The following RAB44 variants were observed in gnomAD, a reference collection of about 807,000 sequenced individuals.
RAB44 encodes RAB44, member RAS oncogene family, also known as ras-related protein Rab-44.
In RAB44, 67 loss-of-function variants were observed where a neutral mutation model predicts 93.3. The observed-to-expected ratio is 0.72, with a 90% CI of 0.59 to 0.88. The LOEUF is 0.88. Ranked by LOEUF, RAB44 falls within the 40% of genes least tolerant of loss-of-function variation. RAB44 has a pLI of 0.00. For synonymous variants in RAB44, 427 were observed against 520.3 expected, an observed-to-expected ratio of 0.82 and a Z score of 2.44; for missense variants, 1,064 against 1,261.7, an observed-to-expected ratio of 0.84 and a Z score of 2.37.
intron 8 of RAB44, 41 bp from the exon 9 acceptor site, chr6:36,721,110 C>T: frequency 1.6e-6 from 2 of 1,234,116 alleles, no homozygotes; most frequent in Non-Finnish European, 2.0e-6. Flanking sequence ...ACACCACCTA[C>T]CTGCCCCTCC....
intron 1 of RAB44, among the ~76,000 whole-genome samples, chr6:36,700,697 C>T (rs895252416): frequency 3.3e-5 from 5 of 152,174 alleles, no homozygotes; most frequent in African/African-American, 1.2e-4. Flanking sequence ...CTCAGCCTCC[C>T]AAAGTACTGG....
intron 9 of RAB44, 156 bp from the exon 10 acceptor site, chr6:36,725,706 G>A (rs984187084): frequency 1.1e-5 from 7 of 618,392 alleles, no homozygotes; most frequent in Admixed American, 2.3e-5. Flanking sequence ...GTGGGTCCTC[G>A]AGTATGGATG....
At chr6:36,712,003 T>C (rs563972497) in intron 2 of RAB44, among the ~76,000 whole-genome samples, 1 of 151,612 alleles carries the variant, frequency 6.6e-6, no homozygotes, top group African/African-American at 2.4e-5. Flanking sequence ...CAGCCACAGA[T>C]CAAAAGTAAA....
At chr6:36,728,886 T>C in intron 12 of RAB44, 85 bp downstream of exon 12, 1 of 1,137,348 alleles carries the variant, frequency 8.8e-7, no homozygotes, top group Non-Finnish European at 1.3e-6. Flanking sequence ...TCACCTGACC[T>C]GGGCAGCCGA....
chr6:36,711,577 T>C (rs556876353), intron 2 of RAB44, among the ~76,000 whole-genome samples: 1 of 152,336 alleles, frequency 6.6e-6, no homozygotes, highest in Non-Finnish European at 1.5e-5. Context: ...CTAAGTCATT[T>C]AAAGCATTCA....
intron 2 of RAB44, among the ~76,000 whole-genome samples, chr6:36,710,114 G>A (rs1478700908): frequency 6.6e-6 from 1 of 152,072 alleles, no homozygotes; most frequent in African/African-American, 2.4e-5. Context: ...GTACATTCAC[G>A]ATGTTGTACC....
intron 10 of RAB44, 101 bp downstream of exon 10, chr6:36,726,044 C>T: frequency 1.1e-6 from 1 of 892,092 alleles, no homozygotes; most frequent in East Asian, 2.7e-5. Flanking sequence ...AGGCAACTGC[C>T]CCCCAAGGAT....
chr6:36,723,607 G>A (rs567966176), intron 9 of RAB44, among the ~76,000 whole-genome samples: 16 of 151,862 alleles, frequency 1.1e-4, no homozygotes, highest in South Asian at 2.1e-4. Context: ...AGGCTGAGGC[G>A]GGCGGATCAC....
chr6:36,725,594 A>C (rs1164215375), intron 9 of RAB44, among the ~76,000 whole-genome samples: 1 of 152,208 alleles, frequency 6.6e-6, no homozygotes, highest in East Asian at 1.9e-4. Flanking sequence ...TAAAATAATG[A>C]AACTTATATT....
chr6:36,724,870 T>C (rs890029940), intron 9 of RAB44, among the ~76,000 whole-genome samples: 1 of 152,172 alleles, frequency 6.6e-6, no homozygotes, highest in African/African-American at 2.4e-5. Flanking sequence ...TTTCCCTACC[T>C]AGTGTCACCT....
At chr6:36,704,170 A>G in intron 1 of RAB44, 54 bp from the exon 2 acceptor site, 1 of 1,445,738 alleles carries the variant, frequency 6.9e-7, no homozygotes, top group Non-Finnish European at 9.4e-7. Flanking sequence ...GTTTTGAGCC[A>G]TGAGAGGGCG....
At chr6:36,722,832 T>A (rs1221435906) in intron 9 of RAB44, 99 bp downstream of exon 9, 117 of 1,423,668 alleles carry the variant, frequency 8.2e-5, no homozygotes, top group Non-Finnish European at 8.5e-6. Flanking sequence ...CTGAGGAAGC[T>A]GCAGGTTCTG....
At position 36,727,879 on chromosome 6, in the gene RAB44, T is replaced by C. The variant is rs561378541; in HGVS notation, c.2796+188T>C. Among the ~76,000 whole-genome samples the C allele has an allele frequency of 4.6e-5, 7 of 152,350 alleles. No individual in the cohort carries two copies. In the East Asian group the frequency reaches 7.7e-4, roughly 17 times the overall value. ...GTACAAAGAAACCACAACCACATAG[T>C]ACAGACTTCAAACCAAACTACTTCC... On this transcript the variant is annotated intron_variant, in intron 11 of 13. Transcript: ENST00000612677.
chr6:36,705,642 C>G (rs562233124), intron 2 of RAB44, among the ~76,000 whole-genome samples: 74 of 152,178 alleles, frequency 4.9e-4, no homozygotes, highest in Admixed American at 1.2e-3. Context: ...CTCAGCCTCC[C>G]AAAGTGCTGG....
At position 36,717,776 on chromosome 6, in the gene RAB44, A is replaced by G. The variant is rs985617593; in HGVS notation, c.642-252A>G. On this transcript the variant is annotated intron_variant, in intron 5 of 13. Transcript: ENST00000612677. The surrounding 1 kb of genome is among the most constrained non-coding windows in gnomAD (Gnocchi z 4.1). ...GTGATGGGGTGATGGGGACAATGAG[A>G]CCCTGGCCAGGGGAACTGGTGACGG... Among the ~76,000 whole-genome samples the G allele has an allele frequency of 6.6e-6, 1 of 151,964 alleles. No homozygotes were observed. The highest frequency in any genetic ancestry group is 2.4e-5 in the African/African-American group (1 of 41,364).
rs370836984 is a variant in RAB44, at chr6:36,722,358, C to T, written c.2224C>T (p.Pro742Ser). ...EGPTPGKSAP[P>S]RGSPPRGAQP... The stretch of plus-strand genomic sequence containing the variant: ...CCCCACTCCTGGAAAATCGGCACCT[C>T]CAAGGGGCTCTCCTCCCAGGGGGGC... The change falls in exon 9 of 14, where the codon CCA becomes TCA. Residue 742 changes from proline (P) to serine (S), a missense_variant. Physicochemically the swap from Pro to Ser is moderately conservative, Grantham distance 74 (BLOSUM62 -1). Transcript: ENST00000612677. 5.2e-6 allele frequency: 7 copies of T among 1,347,210 alleles called. No individual in the cohort carries two copies. The South Asian group carries it at 6.5e-5, about 13-fold the overall frequency. The allele number at this position is 1,347,210 out of a possible 1,614,324, so 83.5% of individuals were successfully genotyped here.
In RAB44 at chr6:36,698,139, G is replaced by A. The variant is rs1762426975; in HGVS notation, c.-13+224G>A. On this transcript the variant is annotated intron_variant, in intron 1 of 13. Transcript: ENST00000612677. The stretch of plus-strand genomic sequence containing the variant: ...ACCCGTAAATGGCTGTGTGACCTAG[G>A]GCAAGTCACCTGGTTTCTCAGAGCC... Among the ~76,000 whole-genome samples, 3 of 152,268 alleles carry A rather than the reference G, an allele frequency of 2.0e-5. No individual in the cohort carries two copies. In the South Asian group the frequency reaches 6.2e-4, roughly 32 times the overall value.
chr6:36,715,663 G>A lies in RAB44; in HGVS notation c.494+10G>A. 1 of 1,535,456 alleles carries A rather than the reference G, an allele frequency of 6.5e-7. No individual in the cohort carries two copies. The highest frequency in any genetic ancestry group is 8.7e-7 in the Non-Finnish European group (1 of 1,146,490). On this transcript the variant is annotated intron_variant, in intron 4 of 13. Coordinates refer to ENST00000612677, the MANE Select transcript of RAB44 (RefSeq NM_001257357.2). The stretch of plus-strand genomic sequence containing the variant: ...GACACTTACTTCCCAAGTAAGGCCA[G>A]GGCGGCATGTGCATGGGGAGAGGCT...
At position 36,717,218 on chromosome 6, in the gene RAB44, C is replaced by T. The variant is rs1041204935; in HGVS notation, c.495-55C>T. On this transcript the variant is annotated intron_variant, in intron 4 of 13. Coordinates refer to ENST00000612677, the MANE Select transcript of RAB44 (RefSeq NM_001257357.2). The surrounding 1 kb of genome is among the most constrained non-coding windows in gnomAD (Gnocchi z 4.1). ...CTGAGGAGTGGGGCTCCCCTTGCTT[C>T]TCCATCCCACCTTGTGTCTGACCCT... The T allele has an allele frequency of 8.1e-6, 10 of 1,230,782 alleles. No individual in the cohort carries two copies. In the African/African-American group the frequency reaches 1.2e-4, roughly 15 times the overall value. 76.2% of individuals were successfully genotyped at this position (1,230,782 alleles called of 1,614,324 possible).
Sources: gnomAD v4.1 joint callset for allele counts (sites outside exome capture counted in the v4.1 genomes callset) on GRCh38, gnomAD v4.1.1 for gene constraint, Gnocchi (gnomAD v3.1) non-coding constraint, MANE v1.5 for transcripts, NCBI Gene and HGNC (gene_info 2026-07-23, HGNC 2026-07-21) for gene names.